SLC12A9: variants seen among roughly 807,000 people sequenced by gnomAD.
SLC12A9 encodes the protein CCC-interacting protein 1.
In SLC12A9, 55 loss-of-function variants were observed where a neutral mutation model predicts 66.0. The observed-to-expected ratio is 0.83, with a 90% CI of 0.67 to 1.04. The LOEUF is 1.04. Among genes scored for constraint, SLC12A9 ranks in the 50% least tolerant of loss-of-function variants. The pLI, the probability that SLC12A9 is intolerant of heterozygous loss-of-function variation, is 0.00. For synonymous variants in SLC12A9, 577 were observed against 569.0 expected, an observed-to-expected ratio of 1.01 and a Z score of -0.20; for missense variants, 1,061 against 1,241.9, an observed-to-expected ratio of 0.85 and a Z score of 2.19.
rs747577190 is a variant in SLC12A9, at chr7:100,861,287, C to G, written c.1343+25C>G. On this transcript the variant is annotated intron_variant, in intron 10 of 13. Coordinates refer to ENST00000354161, the MANE Select transcript of SLC12A9 (RefSeq NM_020246.4). This position sits in a 1 kb window ranked among gnomAD's most constrained non-coding sequence, Gnocchi z 5.3. ...GGTGAGAGACTCAGATCTGTGTCCC[C>G]AGAGAGAAGAAGGGAGGACTCGGGC... 1 of 1,614,036 alleles carries G rather than the reference C, an allele frequency of 6.2e-7. No individual in the cohort carries two copies. Among genetic ancestry groups the G allele is most frequent in the South Asian group, 1.1e-5 (1 of 91,088 alleles).
intron 3 of SLC12A9, 172 bp from the exon 4 acceptor site, chr7:100,855,534 C>T (rs1814334427): frequency 1.3e-6 from 1 of 765,420 alleles, no homozygotes. Context: ...ATCTGTTAGG[C>T]AGTGATTGTT....
intron 1 of SLC12A9, among the ~76,000 whole-genome samples, chr7:100,839,920 G>A (rs1407772815): frequency 1.3e-5 from 2 of 150,380 alleles, no homozygotes; most frequent in Non-Finnish European, 3.0e-5. Context: ...GTGGGTGCCT[G>A]TAGTCCCCAC....
intron 1 of SLC12A9, chr7:100,853,237 TG>T (rs1335082611): frequency 6.6e-6 from 1 of 151,880 alleles, no homozygotes; most frequent in Non-Finnish European, 1.5e-5. Flanking sequence ...AAGGAGAGGA[TG>T]GGGAAGGCTC....
At chr7:100,854,537 C>A in intron 2 of SLC12A9, 83 bp from the exon 3 acceptor site, 1 of 1,600,818 alleles carries the variant, frequency 6.2e-7, no homozygotes, top group Non-Finnish European at 8.5e-7. Context: ...GCATTTAGCT[C>A]CACCCTGGAG....
chr7:100,854,521 G>T, intron 2 of SLC12A9, 99 bp from the exon 3 acceptor site: 2 of 1,597,628 alleles, frequency 1.3e-6, no homozygotes, highest in Non-Finnish European at 8.5e-7. Context: ...GGCTCTCTGT[G>T]GGCTTGCATT....
intron 1 of SLC12A9, among the ~76,000 whole-genome samples, chr7:100,840,855 C>T (rs928501370): frequency 2.6e-5 from 4 of 152,066 alleles, no homozygotes; most frequent in Non-Finnish European, 4.4e-5. Context: ...CTGTAACACT[C>T]CAATACCACT....
intron 1 of SLC12A9, among the ~76,000 whole-genome samples, chr7:100,839,835 G>A (rs1813745281): frequency 2.0e-5 from 3 of 151,990 alleles, no homozygotes; most frequent in South Asian, 2.1e-4. Flanking sequence ...GAGGTCAGGA[G>A]ATCGAGACCA....
At chr7:100,829,512 T>C (rs1352987001) in intron 1 of SLC12A9, among the ~76,000 whole-genome samples, 1 of 151,822 alleles carries the variant, frequency 6.6e-6, no homozygotes, top group Admixed American at 6.6e-5. Context: ...TGCGCCCGGG[T>C]TGGGGGGGGT....
chr7:100,856,941 G>A lies in SLC12A9; in HGVS notation c.522G>A (p.Leu174=), dbSNP rs767146725. The A allele has an allele frequency of 1.2e-6, 2 of 1,613,118 alleles. No individual in the cohort carries two copies. Among genetic ancestry groups the A allele is most frequent in the East Asian group, 4.5e-5 (2 of 44,878 alleles). ...YGWNLLYGSL[L]LGLVGGVCTL... The stretch of plus-strand genomic sequence containing the variant: ...GGAACCTGCTGTATGGCTCCCTGCT[G>A]CTGGGCCTTGTGGGTGGGGTCTGCA... Residue 174 remains leucine (L), a synonymous_variant, in exon 5 of 14, where the codon CTG becomes CTA. Transcript: ENST00000354161.
rs567166404 is a variant in SLC12A9, at chr7:100,847,290, G to A, written n.229-12595G>A. 1.2e-4 allele frequency among the ~76,000 whole-genome samples: 18 copies of A among 152,334 alleles called. No individual in the cohort carries two copies. In the East Asian group the frequency reaches 3.1e-3, roughly 26 times the overall value. ...GGTGGGAGTACAGGCGTGAGCCACC[G>A]CGCCCAGCCGGGAGATGCTGTTAAT... On this transcript the variant is annotated intron_variant and non_coding_transcript_variant, in intron 1 of 1. Coordinates refer to the SLC12A9 transcript ENST00000461016.
chr7:100,859,318 T>C (rs1416071507), intron 7 of SLC12A9, 157 bp downstream of exon 7: 1 of 682,410 alleles, frequency 1.5e-6, no homozygotes, highest in Non-Finnish European at 2.6e-6. Context: ...GCAGCTGCCA[T>C]GGACCCAGTA....
chr7:100,850,193 CTTCT>C (rs1814029049), upstream of SLC12A9, among the ~76,000 whole-genome samples: 1 of 150,622 alleles, frequency 6.6e-6, no homozygotes, highest in Admixed American at 6.6e-5. Flanking sequence ...CCCTCCCTCC[CTTCT>C]TTCCTTCCCT....
chr7:100,828,856 C>A (rs1813484613), intron 1 of SLC12A9, among the ~76,000 whole-genome samples: 1 of 152,172 alleles, frequency 6.6e-6, no homozygotes, highest in African/African-American at 2.4e-5. Context: ...CCCACCAACC[C>A]CCTTCTACTT....
At chr7:100,828,660 T>A (rs1218742780) in intron 1 of SLC12A9, among the ~76,000 whole-genome samples, 3 of 151,524 alleles carry the variant, frequency 2.0e-5, no homozygotes, top group Admixed American at 2.0e-4. Context: ...TGGGGGGGCT[T>A]CCCCGCCGCC....
At chr7:100,854,540 C>T (rs922871758) in intron 2 of SLC12A9, 80 bp from the exon 3 acceptor site, 8 of 1,602,502 alleles carry the variant, frequency 5.0e-6, no homozygotes, top group Non-Finnish European at 6.0e-6. Context: ...TTTAGCTCCA[C>T]CCTGGAGCTC....
chr7:100,851,784 C>CAAAAAA (rs66749400), upstream of SLC12A9, among the ~76,000 whole-genome samples: 5,212 of 73,852 alleles, frequency 0.071, 310 homozygotes, highest in South Asian at 0.11. Context: ...GTTCCTGGAT[C>CAAAAAA]AAAAAAAAAA....
At chr7:100,840,608 A>C (rs907881335) in intron 1 of SLC12A9, among the ~76,000 whole-genome samples, 1 of 152,130 alleles carries the variant, frequency 6.6e-6, no homozygotes, top group Non-Finnish European at 1.5e-5. Flanking sequence ...AGGAAGAGAC[A>C]GAGAGGAAAA....
chr7:100,850,013 C>G (rs118150939), upstream of SLC12A9, among the ~76,000 whole-genome samples: 1 of 152,056 alleles, frequency 6.6e-6, no homozygotes, highest in East Asian at 1.9e-4. Context: ...GCTGGGACTA[C>G]GGTTGCCTGC....
chr7:100,854,550 C>A, intron 2 of SLC12A9, 70 bp from the exon 3 acceptor site: 1 of 1,606,800 alleles, frequency 6.2e-7, no homozygotes, highest in South Asian at 1.1e-5. Flanking sequence ...CCCTGGAGCT[C>A]TGCAGAACCA....
Sources: gnomAD v4.1 joint callset for allele counts (sites outside exome capture counted in the v4.1 genomes callset) on GRCh38, gnomAD v4.1.1 for gene constraint, Gnocchi (gnomAD v3.1) non-coding constraint, MANE v1.5 for transcripts, NCBI Gene and HGNC (gene_info 2026-07-23, HGNC 2026-07-21) for gene names.